FOXP2: variants seen among roughly 807,000 people sequenced by gnomAD.
The protein encoded by FOXP2 is forkhead box P2, also known as forkhead box protein P2.
FOXP2 carries 12 observed loss-of-function variants against 115.8 expected under a neutral mutation model. The observed-to-expected ratio is 0.10, with a 90% CI of 0.07 to 0.17. FOXP2 has a LOEUF of 0.17. FOXP2 is among the 10% of genes least tolerant of loss of function. FOXP2 has a pLI of 1.00. For missense variants in FOXP2, 629 were observed against 843.5 expected (o/e 0.75, Z 3.15); for synonymous variants, 328 against 297.7 (o/e 1.10, Z -1.05).
rs532188914 is a variant in FOXP2 at position 114,492,117 on chromosome 7, A to G, written c.169-42500A>G. On this transcript the variant is annotated intron_variant, in intron 2 of 16. Coordinates refer to ENST00000350908, the MANE Select transcript of FOXP2 (RefSeq NM_014491.4). Reference sequence around the variant, plus strand: ...TGTTATTGGTCTATTCAGAGATTCAACTTCTTCCTGGTTTAGTCTTGGGAG... The same window carrying G: ...TGTTATTGGTCTATTCAGAGATTCAGCTTCTTCCTGGTTTAGTCTTGGGAG... Among the ~76,000 whole-genome samples, 168 of 152,184 alleles carry G rather than the reference A, an allele frequency of 1.1e-3. 1 individual carries two copies. The highest frequency in any genetic ancestry group is 3.8e-3 in the African/African-American group (157 of 41,526).
intron 3 of FOXP2, among the ~76,000 whole-genome samples, chr7:114,601,562 A>G (rs1803025932): frequency 6.6e-6 from 1 of 152,016 alleles, no homozygotes; most frequent in African/African-American, 2.4e-5. Flanking sequence ...TAAACCTATT[A>G]AGGTAGATTC....
At chr7:114,136,355 A>G (rs887455684) in intron 1 of FOXP2, among the ~76,000 whole-genome samples, 13 of 152,054 alleles carry the variant, frequency 8.5e-5, no homozygotes, top group African/African-American at 3.1e-4. Flanking sequence ...GCCAGCTTCA[A>G]TTAACTTTAA....
intron 2 of FOXP2, among the ~76,000 whole-genome samples, chr7:114,486,476 G>A (rs929880626): frequency 3.3e-5 from 5 of 151,900 alleles, no homozygotes; most frequent in Non-Finnish European, 7.4e-5. Flanking sequence ...TTCCACCCCT[G>A]GCCCCTCCCA....
chr7:114,232,513 AATAAAATATTGTT>A (rs750745657), intron 1 of FOXP2, among the ~76,000 whole-genome samples: 3 of 152,146 alleles, frequency 2.0e-5, no homozygotes, highest in Non-Finnish European at 2.9e-5. Context: ...ATTTACATAC[AATAAAATATTGTT>A]TAGCAGGCCC....
intron 3 of FOXP2, among the ~76,000 whole-genome samples, chr7:114,617,662 G>A (rs1445665950): frequency 1.3e-5 from 2 of 152,106 alleles, no homozygotes; most frequent in African/African-American, 2.4e-5. Context: ...GCATGATGGC[G>A]GGTGCCTGTA....
intron 1 of FOXP2, among the ~76,000 whole-genome samples, chr7:114,177,873 G>C (rs1293903863): frequency 6.6e-6 from 1 of 151,762 alleles, no homozygotes; most frequent in Non-Finnish European, 1.5e-5. Flanking sequence ...TTTATAGTCA[G>C]ACATAATGTA....
intron 1 of FOXP2, among the ~76,000 whole-genome samples, chr7:114,199,753 T>G (rs1332232938): frequency 6.6e-6 from 1 of 152,198 alleles, no homozygotes; most frequent in Non-Finnish European, 1.5e-5. Flanking sequence ...TGTTCTTAAG[T>G]TTAATAAAAG....
At chr7:114,659,715 C>A (rs776308363) in intron 13 of FOXP2, 42 bp downstream of exon 13, 2 of 1,435,982 alleles carry the variant, frequency 1.4e-6, no homozygotes, top group South Asian at 2.3e-5. Flanking sequence ...TACCACAGTT[C>A]CTTACAGATA....
rs1793270669 is a variant in FOXP2 at position 114,414,962 on chromosome 7, C to T, written c.-409C>T. The T allele has an allele frequency of 4.9e-6, 2 of 412,368 alleles. No individual in the cohort carries two copies. Among genetic ancestry groups the T allele is most frequent in the Non-Finnish European group, 4.9e-6 (1 of 205,398 alleles). The allele number at this position is 412,368 out of a possible 1,614,324, so 25.5% of individuals were successfully genotyped here. On this transcript the variant is annotated 5_prime_UTR_variant, in exon 1 of 17. Transcript: ENST00000350908. ...CACACACACAAAAATGAAGCACTTA[C>T]TTTAGAAAGATTATGGTAAGCATGC...
At chr7:114,114,562 CTGTT>C (rs1791354373) in intron 1 of FOXP2, among the ~76,000 whole-genome samples, 1 of 152,126 alleles carries the variant, frequency 6.6e-6, no homozygotes, top group Middle Eastern at 3.4e-3. Flanking sequence ...GTGCAGATTT[CTGTT>C]TGTTTTTTTT....
intron 1 of FOXP2, among the ~76,000 whole-genome samples, chr7:114,134,707 C>T (rs895415281): frequency 4.7e-5 from 3 of 64,070 alleles, no homozygotes; most frequent in African/African-American, 1.5e-4. Context: ...AGCGAGACTC[C>T]GTCTCAAAAA....
chr7:114,101,422 A>T (rs1293656189), intron 1 of FOXP2, among the ~76,000 whole-genome samples: 1 of 152,118 alleles, frequency 6.6e-6, no homozygotes. Flanking sequence ...GCCATGACAG[A>T]CTTTCTCCAT....
chr7:114,124,247 A>G (rs565452834), intron 1 of FOXP2, among the ~76,000 whole-genome samples: 2 of 152,214 alleles, frequency 1.3e-5, no homozygotes, highest in East Asian at 3.9e-4. Context: ...ACTTACAAGC[A>G]TAACTAGGAT....
At chr7:114,368,099 C>A (rs190144801) in intron 2 of FOXP2, among the ~76,000 whole-genome samples, 51 of 152,188 alleles carry the variant, frequency 3.4e-4, no homozygotes, top group Admixed American at 2.9e-3. Flanking sequence ...TAATTATTTT[C>A]TTTAATTTTT....
At position 114,448,825 on chromosome 7, in the gene FOXP2, T is replaced by C. The variant is rs942660199; in HGVS notation, c.168+22146T>C. On this transcript the variant is annotated intron_variant, in intron 2 of 16. Transcript: ENST00000350908. ...TTAGAAAGTTAAAAGTTTTATTTTATAGTACAGTGATTAGATTGTTAAACT... is the reference window on the plus strand; with the variant it reads ...TTAGAAAGTTAAAAGTTTTATTTTACAGTACAGTGATTAGATTGTTAAACT... Among the ~76,000 whole-genome samples the C allele has an allele frequency of 2.0e-5, 3 of 152,262 alleles. No individual in the cohort carries two copies. The South Asian group carries it at 6.2e-4, about 32-fold the overall frequency.
rs372716341 is a variant in FOXP2, at chr7:114,481,152, TA to T, written c.169-53463del. Reference sequence around the variant, plus strand: ...ACTCAACAAGTTTGAGGTAGTACACTAACCTGAGTCATTATGTGTATATAAA... The same window carrying T: ...ACTCAACAAGTTTGAGGTAGTACACTACCTGAGTCATTATGTGTATATAAA... On this transcript the variant is annotated intron_variant, in intron 2 of 16. Coordinates refer to ENST00000350908, the MANE Select transcript of FOXP2 (RefSeq NM_014491.4). 3.5e-3 allele frequency among the ~76,000 whole-genome samples: 523 copies of T among 151,404 alleles called. 3 individuals are homozygous for T. Among genetic ancestry groups the T allele is most frequent in the Non-Finnish European group, 4.0e-3 (273 of 67,430 alleles).
At chr7:114,646,213 A>AT (rs1805880916) in intron 8 of FOXP2, among the ~76,000 whole-genome samples, 1 of 151,946 alleles carries the variant, frequency 6.6e-6, no homozygotes. Flanking sequence ...CTATTGTTAC[A>AT]TTTTTTTAAG....
At chr7:114,495,481 C>CTTTTT (rs1797264521) in intron 2 of FOXP2, among the ~76,000 whole-genome samples, 1 of 81,900 alleles carries the variant, frequency 1.2e-5, no homozygotes, top group African/African-American at 4.7e-5. Flanking sequence ...CTTTCTCTCT[C>CTTTTT]TCTTTTTTTT....
chr7:114,139,450 GGA>G (rs1792143703), intron 1 of FOXP2, among the ~76,000 whole-genome samples: 2 of 152,088 alleles, frequency 1.3e-5, no homozygotes, highest in South Asian at 4.2e-4. Flanking sequence ...ACATGAGGTT[GGA>G]AAGTTTATTT....
Sources: allele counts gnomAD v4.1 joint callset (sites outside exome capture counted in the v4.1 genomes callset), GRCh38; gene constraint gnomAD v4.1.1; transcripts MANE v1.5; gene names NCBI Gene and HGNC (gene_info 2026-07-23, HGNC 2026-07-21).